The following TTC19 variants were observed in gnomAD, a reference collection of about 807,000 sequenced individuals.
TTC19 encodes tetratricopeptide repeat domain 19.
Under a neutral mutation model 49.5 loss-of-function variants are expected in TTC19, and 38 were observed. The ratio of observed to expected loss-of-function variants is 0.77; its 90% confidence interval spans 0.59 to 1.01. TTC19 has a LOEUF of 1.01. Among genes scored for constraint, TTC19 ranks in the 50% least tolerant of loss-of-function variants. The probability of loss-of-function intolerance (pLI) is 0.00; values close to 1 mark genes in which losing one functional copy is unlikely to be tolerated. For missense variants in TTC19, 475 were observed against 477.7 expected (o/e 0.99, Z 0.05); for synonymous variants, 204 against 185.2 (o/e 1.10, Z -0.83).
intron 7 of TTC19, among the ~76,000 whole-genome samples, chr17:16,014,396 A>G (rs989132896): frequency 6.6e-6 from 1 of 152,244 alleles, no homozygotes; most frequent in Non-Finnish European, 1.5e-5. Flanking sequence ...GATCTTTGTA[A>G]TAGTGAGCCG....
chr17:16,019,020 T>C (rs898433339), intron 7 of TTC19, among the ~76,000 whole-genome samples: 3 of 152,164 alleles, frequency 2.0e-5, no homozygotes, highest in Admixed American at 6.5e-5. Context: ...TGCCTACTTA[T>C]TGCACTTGTA....
At chr17:16,044,233 A>C (rs1350567333) in intron 2 of TTC19, among the ~76,000 whole-genome samples, 2 of 151,790 alleles carry the variant, frequency 1.3e-5, no homozygotes, top group Admixed American at 6.6e-5. Flanking sequence ...AATTCTGGTC[A>C]GCATTCTAAA....
intron 2 of TTC19, among the ~76,000 whole-genome samples, chr17:16,041,553 A>G (rs1049186879): frequency 3.3e-5 from 5 of 151,344 alleles, no homozygotes; most frequent in African/African-American, 7.3e-5. Flanking sequence ...AGCTGGGATT[A>G]TAGGCCCCCC....
intron 2 of TTC19, among the ~76,000 whole-genome samples, chr17:16,043,691 A>C (rs984798946): frequency 1.1e-4 from 16 of 152,214 alleles, no homozygotes; most frequent in African/African-American, 3.6e-4. Flanking sequence ...ACAAAGGTGA[A>C]ATGATTTGCA....
chr17:16,000,060 G>A, intron 1 of TTC19, 28 bp downstream of exon 1: 1 of 1,294,622 alleles, frequency 7.7e-7, no homozygotes, highest in Non-Finnish European at 9.8e-7. Context: ...GGCGGGGCCG[G>A]CCGGGCGGGG....
At chr17:16,017,761 C>G (rs1285775580) in intron 7 of TTC19, among the ~76,000 whole-genome samples, 1 of 152,276 alleles carries the variant, frequency 6.6e-6, no homozygotes, top group East Asian at 1.9e-4. Context: ...AACTCCATCT[C>G]AAACAACAAA....
chr17:16,002,211 C>T (rs561904457), intron 3 of TTC19, among the ~76,000 whole-genome samples, 186 bp downstream of exon 3: 5 of 152,300 alleles, frequency 3.3e-5, no homozygotes, highest in Admixed American at 2.0e-4. Context: ...TGGAGCCTCA[C>T]TCTGTTGCCC....
intron 5 of TTC19, 142 bp downstream of exon 5, chr17:16,004,029 A>G (rs1299450543): frequency 7.9e-6 from 9 of 1,141,966 alleles, no homozygotes; most frequent in Non-Finnish European, 7.9e-6. Flanking sequence ...ACAAATTGCC[A>G]TTCTTTCACT....
Position 16,025,085 on chromosome 17 carries a change from T to C in TTC19, c.745T>C (p.Phe249Leu). The C allele has an allele frequency of 1.2e-6, 2 of 1,613,936 alleles. No homozygotes were observed. Among genetic ancestry groups the C allele is most frequent in the Non-Finnish European group, 1.7e-6 (2 of 1,179,856 alleles). ...CLDACARYLL[F>L]SKQPSQAQRM... ...AGACGCCTGTGCTCGCTACCTTCTG[T>C]TCTCCAAGCAGCCGTCACAGGCACA... Residue 249 changes from phenylalanine to leucine, a missense_variant, in exon 8 of 10, where the codon TTC (phenylalanine) becomes CTC (leucine). Coordinates refer to ENST00000261647, the MANE Select transcript of TTC19 (RefSeq NM_017775.4).
chr17:16,039,292 T>C, intron 2 of TTC19: 1 of 815,944 alleles, frequency 1.2e-6, no homozygotes, highest in South Asian at 1.9e-5. Flanking sequence ...AAAAACCTTT[T>C]TTAAGTAACG....
intron 2 of TTC19, among the ~76,000 whole-genome samples, chr17:16,038,540 G>C (rs535118857): frequency 1.3e-5 from 2 of 151,320 alleles, no homozygotes; most frequent in East Asian, 2.0e-4. Flanking sequence ...GGGCTCAAGT[G>C]ATCTTCCCAC....
intron 7 of TTC19, among the ~76,000 whole-genome samples, chr17:16,017,137 T>C (rs117545714): frequency 0.016 from 2,479 of 152,318 alleles, 47 homozygotes; most frequent in Non-Finnish European, 0.023. Context: ...TGTTACGAAT[T>C]CTAGTTTTAT....
rs754615839 is a variant in TTC19 at position 16,000,212 on chromosome 17, G to T, written c.279G>T (p.Glu93Asp). 22 of 1,595,134 alleles carry T rather than the reference G, an allele frequency of 1.4e-5. No homozygotes were observed. The highest frequency in any genetic ancestry group is 1.9e-5 in the Non-Finnish European group (22 of 1,179,158). ...CCGAGGACGGGGCGGACGAGGCCGA[G>T]GCAGAGATCATCCAGCTGCTGAAGC... ...AAAEDGADEA[E>D]AEIIQLLKRA... Residue 93 changes from glutamate (E) to aspartate (D), a missense_variant, in exon 2 of 10, where the codon GAG (glutamate) becomes GAT (aspartate). Glu to Asp is a conservative substitution (Grantham distance 45). Coordinates refer to ENST00000261647, the MANE Select transcript of TTC19 (RefSeq NM_017775.4).
chr17:16,021,834 A>G (rs1971393935), intron 7 of TTC19, among the ~76,000 whole-genome samples: 1 of 152,216 alleles, frequency 6.6e-6, no homozygotes, highest in Non-Finnish European at 1.5e-5. Flanking sequence ...TGGATTATAC[A>G]TTCATCTTCA....
chr17:16,028,596 C>A lies in TTC19; in HGVS notation c.*1074C>A, dbSNP rs1971672949. 1 of 453,730 alleles carries A rather than the reference C, an allele frequency of 2.2e-6. No individual in the cohort carries two copies. The highest frequency in any genetic ancestry group is 1.6e-5 in the South Asian group (1 of 64,464). The allele number at this position is 453,730 out of a possible 1,614,324, so 28.1% of individuals were successfully genotyped here. On this transcript the variant is annotated 3_prime_UTR_variant, in exon 10 of 10. Transcript: ENST00000261647. ...GATACATAGGTGGATGCTCTTACTG[C>A]AGCAGTCATGAATACATTTTTAGCC...
downstream of TTC19, chr17:16,030,615 A>G (rs1971830954): frequency 1.1e-5 from 2 of 179,864 alleles, no homozygotes; most frequent in African/African-American, 4.8e-5. Flanking sequence ...TCCAAGTACT[A>G]GGAATGCTGA....
rs749582735 is a variant in TTC19, at chr17:16,027,762, G to GT, written c.*241dup. 6.4e-5 allele frequency: 37 copies of GT among 580,638 alleles called. 1 individual carries two copies. The highest frequency in any genetic ancestry group is 4.8e-4 in the African/African-American group (26 of 54,522). The allele number at this position is 580,638 out of a possible 1,614,324, so 36.0% of individuals were successfully genotyped here. On this transcript the variant is annotated 3_prime_UTR_variant, in exon 10 of 10. Coordinates refer to ENST00000261647, the MANE Select transcript of TTC19 (RefSeq NM_017775.4). ...ATGTCGTCAAGTGATGCTTTCAGTT[G>GT]TAACACGTGACTTGGTGCTGTCCCT... is the stretch of plus-strand genomic sequence containing the variant.
chr17:16,013,033 G>T (rs2151661786), intron 7 of TTC19, among the ~76,000 whole-genome samples: 1 of 152,170 alleles, frequency 6.6e-6, no homozygotes, highest in East Asian at 1.9e-4. Flanking sequence ...GTGAGATCCT[G>T]TCTCTTCAAA....
chr17:16,015,699 A>C lies in TTC19; in HGVS notation c.676+9131A>C, dbSNP rs1971194242. On this transcript the variant is annotated intron_variant, in intron 7 of 9. Coordinates refer to ENST00000261647, the MANE Select transcript of TTC19 (RefSeq NM_017775.4). Reference sequence around the variant, plus strand: ...CTTACTAGCAGTGGACAAGTTATTTAACTTCTCTGTTCTCAGCTTCCTTAT... The same window carrying C: ...CTTACTAGCAGTGGACAAGTTATTTCACTTCTCTGTTCTCAGCTTCCTTAT... 2.0e-5 allele frequency among the ~76,000 whole-genome samples: 3 copies of C among 152,180 alleles called. No homozygotes were observed. In the South Asian group the frequency reaches 6.2e-4, roughly 32 times the overall value.
Sources: gnomAD v4.1 joint callset for allele counts (sites outside exome capture counted in the v4.1 genomes callset) on GRCh38, gnomAD v4.1.1 for gene constraint, MANE v1.5 for transcripts, NCBI Gene and HGNC (gene_info 2026-07-23, HGNC 2026-07-21) for gene names.